DCAF6: variants seen among roughly 807,000 people sequenced by gnomAD.
The protein encoded by DCAF6 is DDB1- and CUL4-associated factor 6.
A neutral mutation model predicts 125.1 loss-of-function variants in DCAF6; 54 were observed. The ratio of observed to expected loss-of-function variants is 0.43; its 90% CI spans 0.35 to 0.54. DCAF6 has a LOEUF of 0.54. Among genes scored for constraint, DCAF6 ranks in the 20% least tolerant of loss-of-function variants. The pLI, the probability that DCAF6 is intolerant of heterozygous loss-of-function variation, is 0.01. For missense variants in DCAF6, 934 were observed against 1,161.7 expected (o/e 0.80, Z 2.85); for synonymous variants, 371 against 390.4 (o/e 0.95, Z 0.58).
At chr1:167,880,133 C>T in the DCAF6 span, 1 of 1,612,822 alleles carries the variant, frequency 6.2e-7, no homozygotes, top group Non-Finnish European at 8.5e-7. Context: ...TCGTGTCTCA[C>T]AGTGTGTCCA....
At chr1:167,888,024 T>A in the DCAF6 span, among the ~76,000 whole-genome samples, 1 of 152,214 alleles carries the variant, frequency 6.6e-6, no homozygotes, top group East Asian at 1.9e-4. Context: ...CCCAGCACAA[T>A]TTATTGAAGG....
the DCAF6 span, chr1:167,883,679 C>A: frequency 6.4e-7 from 1 of 1,563,904 alleles, no homozygotes; most frequent in African/African-American, 1.4e-5. Flanking sequence ...GTGGATCCCT[C>A]CCCCAACACC....
chr1:167,906,157 G>C, the DCAF6 span, among the ~76,000 whole-genome samples: 1 of 151,768 alleles, frequency 6.6e-6, no homozygotes, highest in African/African-American at 2.4e-5. Context: ...AGATTTAAGG[G>C]GAAGTATTTA....
chr1:168,041,960 A>G (rs962239417), intron 13 of DCAF6, among the ~76,000 whole-genome samples: 2 of 151,436 alleles, frequency 1.3e-5, no homozygotes, highest in African/African-American at 4.9e-5. Flanking sequence ...ATTTACCTGC[A>G]GTAATTCTAC....
At position 168,015,228 on chromosome 1, in the gene DCAF6, T is replaced by C. The variant is rs142816105; in HGVS notation, c.1379-553T>C. On this transcript the variant is annotated intron_variant, in intron 10 of 21. Transcript: ENST00000367840. ...AGAAAATATTGATTATGTAAATCTTTTTGAACTTAAAAAATTTTTTAAAAT... is the reference window on the plus strand; with the variant it reads ...AGAAAATATTGATTATGTAAATCTTCTTGAACTTAAAAAATTTTTTAAAAT... 5.0e-3 allele frequency among the ~76,000 whole-genome samples: 758 copies of C among 152,362 alleles called. 5 individuals are homozygous for C. Among genetic ancestry groups the C allele is most frequent in the African/African-American group, 0.017 (711 of 41,594 alleles).
the DCAF6 span, chr1:167,880,364 C>T: frequency 5.2e-6 from 5 of 961,978 alleles, no homozygotes; most frequent in African/African-American, 8.1e-5. Context: ...GAAGGAGGAA[C>T]AACAGTTTGA....
chr1:167,979,639 C>G (rs1283604400), intron 4 of DCAF6, among the ~76,000 whole-genome samples: 1 of 152,182 alleles, frequency 6.6e-6, no homozygotes, highest in Non-Finnish European at 1.5e-5. Context: ...GTGATCCCAG[C>G]ACTTTGGGAG....
chr1:167,899,534 A>G, the DCAF6 span: 1 of 1,614,242 alleles, frequency 6.2e-7, no homozygotes, highest in Non-Finnish European at 8.5e-7. Flanking sequence ...TGTTCTGGGC[A>G]AGGCGCACAT....
chr1:168,019,514 T>A, intron 11 of DCAF6: 1 of 454,382 alleles, frequency 2.2e-6, no homozygotes, highest in Non-Finnish European at 4.4e-6. Flanking sequence ...ATATGGCTGA[T>A]TTTAAGCCCA....
At chr1:167,991,155 A>G in intron 5 of DCAF6, 49 bp from the exon 6 acceptor site, 1 of 1,438,830 alleles carries the variant, frequency 7.0e-7, no homozygotes, top group African/African-American at 1.4e-5. Flanking sequence ...ATATAATTTC[A>G]CCTCTGCTGT....
chr1:167,993,755 AAACAACAAC>A (rs34875817), intron 7 of DCAF6, among the ~76,000 whole-genome samples: 7 of 151,682 alleles, frequency 4.6e-5, no homozygotes, highest in Admixed American at 1.3e-4. Context: ...GTCTCAGAAA[AAACAACAAC>A]AACAACAACA....
chr1:167,976,907 T>G (rs1437352666), intron 4 of DCAF6, among the ~76,000 whole-genome samples: 7 of 123,376 alleles, frequency 5.7e-5, no homozygotes, highest in African/African-American at 2.5e-4. Context: ...TTTTTTTTTT[T>G]TTTTTTTTTT....
intron 11 of DCAF6, among the ~76,000 whole-genome samples, chr1:168,016,770 T>C (rs1015922331): frequency 6.6e-6 from 1 of 152,094 alleles, no homozygotes; most frequent in African/African-American, 2.4e-5. Flanking sequence ...ATAAATACTA[T>C]AGTAGGTATA....
intron 1 of DCAF6, among the ~76,000 whole-genome samples, chr1:167,949,108 T>A (rs1673533635): frequency 6.6e-6 from 1 of 152,228 alleles, no homozygotes; most frequent in South Asian, 2.1e-4. Context: ...AATAAAGCAG[T>A]GTTCTTATGG....
intron 3 of DCAF6, among the ~76,000 whole-genome samples, chr1:167,967,372 TTTAA>T (rs1305042965): frequency 2.6e-5 from 4 of 152,192 alleles, no homozygotes; most frequent in African/African-American, 9.7e-5. Context: ...CTCAAGTAAC[TTTAA>T]TTACTGTTTC....
At chr1:168,048,210 G>A (rs1000678503) in intron 16 of DCAF6, among the ~76,000 whole-genome samples, 4 of 152,158 alleles carry the variant, frequency 2.6e-5, no homozygotes, top group Non-Finnish European at 5.9e-5. Flanking sequence ...ACACATGGAT[G>A]AAATGCCCAC....
At chr1:167,961,306 G>T (rs749064105) in intron 2 of DCAF6, among the ~76,000 whole-genome samples, 30 of 151,996 alleles carry the variant, frequency 2.0e-4, no homozygotes, top group Non-Finnish European at 3.2e-4. Flanking sequence ...GCAGTGGCGC[G>T]ATCTCGGCTC....
intron 16 of DCAF6, among the ~76,000 whole-genome samples, chr1:168,046,135 C>A (rs547614911): frequency 6.6e-6 from 1 of 152,194 alleles, no homozygotes; most frequent in South Asian, 2.1e-4. Flanking sequence ...GGTTTCACCA[C>A]TTACCAGCAG....
At chr1:168,063,985 T>G in intron 18 of DCAF6, 1 of 366,260 alleles carries the variant, frequency 2.7e-6, no homozygotes, top group South Asian at 8.1e-5. Flanking sequence ...TTAAAAAAAT[T>G]TTTAGTTTAT....
Sources: allele counts gnomAD v4.1 joint callset (sites outside exome capture counted in the v4.1 genomes callset), GRCh38; gene constraint gnomAD v4.1.1; transcripts MANE v1.5; gene names NCBI Gene and HGNC (gene_info 2026-07-23, HGNC 2026-07-21).